The following PDE4DIP variants were observed in gnomAD, a reference collection of about 807,000 sequenced individuals.
PDE4DIP encodes the protein phosphodiesterase 4D interacting protein.
Under a neutral mutation model 221.4 loss-of-function variants are expected in PDE4DIP, and 59 were observed. That is an observed-to-expected ratio of 0.27 (90% CI 0.22 to 0.33). The LOEUF (loss-of-function observed/expected upper bound fraction) is 0.33, where lower values mean the gene tolerates loss of function less well. Ranked by LOEUF, PDE4DIP falls within the 10% of genes least tolerant of loss-of-function variation. PDE4DIP has a pLI of 1.00. For missense variants in PDE4DIP, 1,036 were observed against 2,154.2 expected (o/e 0.48, Z 10.28); for synonymous variants, 404 against 815.9 (o/e 0.50, Z 8.60).
chr1:148,955,768 C>T (rs587643961), intron 5 of PDE4DIP, among the ~76,000 whole-genome samples: 144 of 152,204 alleles, frequency 9.5e-4, no homozygotes, highest in Non-Finnish European at 1.6e-3. Flanking sequence ...CAGGTCAAGT[C>T]CCTTTACTTC....
At chr1:148,987,025 A>C (rs1553550613) in intron 21 of PDE4DIP, among the ~76,000 whole-genome samples, 1 of 152,166 alleles carries the variant, frequency 6.6e-6, no homozygotes. Flanking sequence ...CTTTTGGAGA[A>C]GTAGAAACTC....
chr1:149,031,339 G>T (rs1378738348), intron 43 of PDE4DIP: 1 of 153,940 alleles, frequency 6.5e-6, no homozygotes, highest in Admixed American at 6.1e-5. Flanking sequence ...CACTGGAAAG[G>T]ACCCGAGGCC....
chr1:148,838,739 A>G (rs1475357692), intron 1 of PDE4DIP, among the ~76,000 whole-genome samples: 2 of 104,278 alleles, frequency 1.9e-5, no homozygotes, highest in African/African-American at 3.2e-5. Context: ...TCTGCTGAAA[A>G]TCTCCTTAGC....
chr1:149,028,564 T>C (rs1553632339), exon 41 of PDE4DIP: 2 of 1,610,736 alleles, frequency 1.2e-6, no homozygotes. Flanking sequence ...CCCCAGGTGC[T>C]AGGCAGCAAA....
chr1:149,018,169 G>T (rs1553613861), intron 34 of PDE4DIP, among the ~76,000 whole-genome samples: 1 of 151,884 alleles, frequency 6.6e-6, no homozygotes, highest in Non-Finnish European at 1.5e-5. Context: ...GTGGAACCAG[G>T]TCTGTAAGGG....
At chr1:148,983,796 T>C (rs1199324542) in intron 21 of PDE4DIP, 1 of 152,448 alleles carries the variant, frequency 6.6e-6, no homozygotes, top group Non-Finnish European at 1.5e-5. Flanking sequence ...TGAGTAAAAA[T>C]AGTCTTCAAA....
chr1:148,915,058 A>G (rs1253430021), intron 1 of PDE4DIP, among the ~76,000 whole-genome samples: 4 of 150,504 alleles, frequency 2.7e-5, no homozygotes, highest in Admixed American at 6.6e-5. Flanking sequence ...ATAAGTGGAA[A>G]GACAGAGAAT....
chr1:149,014,174 C>A (rs1171556416), intron 32 of PDE4DIP, among the ~76,000 whole-genome samples: 1 of 115,888 alleles, frequency 8.6e-6, no homozygotes, highest in South Asian at 3.4e-4. Context: ...GTTACTTGTT[C>A]AAGGTCACTG....
intron 1 of PDE4DIP, among the ~76,000 whole-genome samples, chr1:148,896,481 C>T (rs1664003): frequency 0.047 from 4,854 of 103,660 alleles, no homozygotes; most frequent in African/African-American, 0.11. Flanking sequence ...TTTACTTACA[C>T]GAACTTTAAG....
At chr1:148,865,039 T>C (rs1378800169) in intron 2 of PDE4DIP, among the ~76,000 whole-genome samples, 1 of 137,528 alleles carries the variant, frequency 7.3e-6, no homozygotes, top group Non-Finnish European at 1.6e-5. Flanking sequence ...CTTAGTAGTA[T>C]ATTTATTTTC....
Position 148,981,317 on chromosome 1 carries a change from T to G in PDE4DIP, c.2735T>G (p.Val912Gly), listed in dbSNP as rs782087404. 8 of 1,613,738 alleles carry G rather than the reference T, an allele frequency of 5.0e-6. No homozygotes were observed. The African/African-American group carries it at 9.4e-5, about 19-fold the overall frequency. ...CAGGTGGAACTGGAAGGGGCTCAGG[T>G]GTTACGCAGTCGGCTAGAAGAAGTT... Residue 912 changes from valine to glycine, a missense_variant, in exon 21 of 44, where the codon GTG (valine) becomes GGG (glycine). Physicochemically the swap from Val to Gly is moderately radical, Grantham distance 109 (BLOSUM62 -3). Transcript: ENST00000369354.
chr1:148,934,880 A>G (rs1348241789), intron 4 of PDE4DIP, among the ~76,000 whole-genome samples: 1 of 152,054 alleles, frequency 6.6e-6, no homozygotes, highest in Non-Finnish European at 1.5e-5. Context: ...CTGGGATTAC[A>G]GGGATTACAG....
chr1:148,933,967 T>G (rs1553472933), intron 4 of PDE4DIP, among the ~76,000 whole-genome samples: 1 of 148,466 alleles, frequency 6.7e-6, no homozygotes, highest in African/African-American at 2.5e-5. Context: ...TTATACTTTA[T>G]TAATGAAAAA....
chr1:148,948,732 G>A (rs1354970324), intron 5 of PDE4DIP, among the ~76,000 whole-genome samples: 1 of 151,056 alleles, frequency 6.6e-6, no homozygotes, highest in East Asian at 2.0e-4. Context: ...AGTTCAATGA[G>A]CTTCAACAAT....
chr1:148,978,194 T>C (rs1221229139), intron 18 of PDE4DIP, 84 bp from the exon 22 acceptor site: 1 of 1,334,818 alleles, frequency 7.5e-7, no homozygotes, highest in South Asian at 1.3e-5. Context: ...GGCAGAATAT[T>C]TCAAGACATT....
rs587676764 is a variant in PDE4DIP, at chr1:149,028,423, A to C, written c.6670-137A>C. ...TAAAGGGAGCAGCACCTTAGTTCTG[A>C]GAGCTGCAAATGGTTGTGTGAGGGC... is the stretch of plus-strand genomic sequence containing the variant. On this transcript the variant is annotated intron_variant, in intron 40 of 43. Coordinates refer to ENST00000369354, the Ensembl canonical transcript of PDE4DIP. The C allele has an allele frequency of 1.2e-4, 71 of 599,780 alleles. No homozygotes were observed. In the African/African-American group the frequency reaches 1.2e-3, roughly 10 times the overall value. 37.2% of individuals were successfully genotyped at this position (599,780 alleles called of 1,614,324 possible). A position where few individuals can be genotyped will look rare whatever the true frequency, so the allele number is the denominator to read the frequency against.
chr1:148,990,553 A>T (rs1236116317), intron 21 of PDE4DIP, among the ~76,000 whole-genome samples: 1 of 151,838 alleles, frequency 6.6e-6, no homozygotes, highest in African/African-American at 2.4e-5. Flanking sequence ...GCTTCTGTCT[A>T]AGAGTCCAGA....
At chr1:148,915,134 T>TTTTG (rs58167922) in intron 1 of PDE4DIP, among the ~76,000 whole-genome samples, 16,711 of 147,122 alleles carry the variant, frequency 0.11, 41 homozygotes, top group African/African-American at 0.17. Flanking sequence ...CTTCTGGTTT[T>TTTTG]TTTGTTTGTT....
intron 21 of PDE4DIP, among the ~76,000 whole-genome samples, chr1:148,986,861 G>A (rs2062002174): frequency 6.6e-6 from 1 of 152,136 alleles, no homozygotes; most frequent in South Asian, 2.1e-4. Flanking sequence ...GAATAAAAGA[G>A]ACCATGAGCA....
Sources: allele counts gnomAD v4.1 joint callset (sites outside exome capture counted in the v4.1 genomes callset), GRCh38; gene constraint gnomAD v4.1.1; transcripts MANE v1.5; gene names NCBI Gene and HGNC (gene_info 2026-07-23, HGNC 2026-07-21).